Variants in GRM7 observed in about 807,000 individuals in gnomAD.
GRM7 encodes glutamate metabotropic receptor 7.
In GRM7, 35 loss-of-function variants were observed where a neutral mutation model predicts 84.5. The observed-to-expected ratio is 0.41, with a 90% CI of 0.32 to 0.55. The LOEUF is 0.55. Ranked by LOEUF, GRM7 falls within the 20% of genes least tolerant of loss-of-function variation. The probability of loss-of-function intolerance (pLI) is 0.19; values close to 1 mark genes in which losing one functional copy is unlikely to be tolerated. For missense variants in GRM7, 1,003 were observed against 1,194.6 expected (o/e 0.84, Z 2.36); for synonymous variants, 487 against 455.1 (o/e 1.07, Z -0.89).
At chr3:6,881,599 A>AGG (rs1695511131) in intron 1 of GRM7, among the ~76,000 whole-genome samples, 2 of 58,790 alleles carry the variant, frequency 3.4e-5, no homozygotes, top group South Asian at 1.0e-3. Flanking sequence ...ATTTTAAAGA[A>AGG]AAAAAAAACC....
intron 1 of GRM7, among the ~76,000 whole-genome samples, chr3:6,889,261 A>G (rs1224756271): frequency 6.6e-6 from 1 of 152,094 alleles, no homozygotes; most frequent in Non-Finnish European, 1.5e-5. Context: ...AGAACTTCCA[A>G]CACTATATTG....
At chr3:7,662,045 T>C (rs570674827) in intron 8 of GRM7, among the ~76,000 whole-genome samples, 94 of 152,098 alleles carry the variant, frequency 6.2e-4, no homozygotes, top group Non-Finnish European at 1.3e-3. Context: ...TAGTATATCC[T>C]TGCAATGGAA....
At chr3:7,257,057 G>A (rs1341338148) in intron 2 of GRM7, among the ~76,000 whole-genome samples, 2 of 152,158 alleles carry the variant, frequency 1.3e-5, no homozygotes, top group Non-Finnish European at 2.9e-5. Flanking sequence ...CCCATTTCCT[G>A]CCTCCAATTT....
chr3:7,127,823 G>A (rs1317110166), intron 1 of GRM7, among the ~76,000 whole-genome samples: 1 of 151,936 alleles, frequency 6.6e-6, no homozygotes, highest in Non-Finnish European at 1.5e-5. Flanking sequence ...CCCAATGATC[G>A]ATTTTCAAAT....
chr3:7,536,294 G>A (rs775024793), intron 7 of GRM7, among the ~76,000 whole-genome samples: 1 of 152,298 alleles, frequency 6.6e-6, no homozygotes, highest in East Asian at 1.9e-4. Context: ...ACTATTACCA[G>A]TATTGGTAGC....
In GRM7 at chr3:7,004,601, C is replaced by T. The variant is rs181801431; in HGVS notation, c.520-141851C>T. ...TCAAATTCTTGATAAACATCTTTAA[C>T]GAGAAACTTCACTCATACGAGTAGG... On this transcript the variant is annotated intron_variant, in intron 1 of 9. Transcript: ENST00000357716. Among the ~76,000 whole-genome samples, 10 of 152,104 alleles carry T rather than the reference C, an allele frequency of 6.6e-5. No homozygotes were observed. The East Asian group carries it at 1.2e-3, about 18-fold the overall frequency.
At chr3:7,668,304 T>G (rs967820024) in intron 8 of GRM7, among the ~76,000 whole-genome samples, 3 of 152,194 alleles carry the variant, frequency 2.0e-5, no homozygotes, top group African/African-American at 7.2e-5. Flanking sequence ...AAATGGAATC[T>G]CTATCTTTGT....
chr3:7,675,009 A>G (rs1040334903), intron 8 of GRM7, among the ~76,000 whole-genome samples: 1 of 152,188 alleles, frequency 6.6e-6, no homozygotes, highest in African/African-American at 2.4e-5. Context: ...CCCTAAACCA[A>G]TGGTTTGACA....
At chr3:7,446,369 T>C (rs6774522) in intron 5 of GRM7, among the ~76,000 whole-genome samples, 53,951 of 152,098 alleles carry the variant, frequency 0.35, 10,997 homozygotes, top group Non-Finnish European at 0.48. Flanking sequence ...TAAACATCTT[T>C]GATTTGTTTT....
intron 4 of GRM7, among the ~76,000 whole-genome samples, chr3:7,311,445 G>GA (rs1325771568): frequency 6.6e-6 from 1 of 152,150 alleles, no homozygotes; most frequent in East Asian, 1.9e-4. Context: ...AGTGGCAACA[G>GA]ATAGACTCTC....
intron 1 of GRM7, among the ~76,000 whole-genome samples, chr3:6,942,244 G>A (rs1697918731): frequency 1.3e-5 from 2 of 151,840 alleles, no homozygotes; most frequent in South Asian, 4.1e-4. Flanking sequence ...AGTAAATTGT[G>A]AGGATTAAAA....
intron 1 of GRM7, among the ~76,000 whole-genome samples, chr3:7,026,154 C>A (rs931118824): frequency 3.3e-5 from 5 of 152,108 alleles, no homozygotes; most frequent in Non-Finnish European, 7.4e-5. Flanking sequence ...CTGACATAAC[C>A]CAGTGGTTTT....
rs1006491844 is a variant in GRM7, at chr3:7,625,223, C to T, written c.2451+45866C>T. 5.9e-5 allele frequency among the ~76,000 whole-genome samples: 9 copies of T among 152,092 alleles called. No homozygotes were observed. In the East Asian group the frequency reaches 7.8e-4, roughly 13 times the overall value. Reference sequence around the variant, plus strand: ...TCATATTGTACTGAGGCCAGCAATGCGGTGGTGCATTTGGAATGTTGAGGC... The same window carrying T: ...TCATATTGTACTGAGGCCAGCAATGTGGTGGTGCATTTGGAATGTTGAGGC... On this transcript the variant is annotated intron_variant, in intron 8 of 9. Coordinates refer to ENST00000357716, the MANE Select transcript of GRM7 (RefSeq NM_000844.4).
At chr3:7,700,659 A>C (rs150071183) in intron 9 of GRM7, among the ~76,000 whole-genome samples, 11 of 152,340 alleles carry the variant, frequency 7.2e-5, no homozygotes, top group Admixed American at 6.5e-4. Flanking sequence ...ACAATAAATC[A>C]TTATACAACA....
chr3:7,302,389 A>C (rs1422760904), intron 3 of GRM7, among the ~76,000 whole-genome samples: 1 of 151,734 alleles, frequency 6.6e-6, no homozygotes, highest in African/African-American at 2.4e-5. Context: ...TAAATGCTTT[A>C]ATTATATTCT....
Position 7,672,328 on chromosome 3 carries a change from G to A in GRM7, c.2452-7721G>A, listed in dbSNP as rs1253662930. 2.0e-5 allele frequency among the ~76,000 whole-genome samples: 3 copies of A among 152,116 alleles called. No homozygotes were observed. The East Asian group carries it at 5.8e-4, about 29-fold the overall frequency. ...AGAAAACACTGGTCTTAACTGCCAG[G>A]AACTTTCATTGCAATGTAATAATGT... On this transcript the variant is annotated intron_variant, in intron 8 of 9. Transcript: ENST00000357716.
intron 2 of GRM7, among the ~76,000 whole-genome samples, chr3:7,182,941 C>G (rs1464557730): frequency 1.7e-5 from 2 of 119,502 alleles, no homozygotes; most frequent in Non-Finnish European, 3.4e-5. Context: ...TGGACTGGAA[C>G]TTTTAGTAGT....
intron 9 of GRM7, among the ~76,000 whole-genome samples, chr3:7,684,493 T>C (rs138514598): frequency 7.9e-4 from 121 of 152,322 alleles, no homozygotes; most frequent in African/African-American, 2.8e-3. Context: ...ACAGCTCTGC[T>C]CCATCACTGC....
At chr3:7,144,197 C>G (rs1397887848) in intron 1 of GRM7, among the ~76,000 whole-genome samples, 1 of 152,144 alleles carries the variant, frequency 6.6e-6, no homozygotes, top group African/African-American at 2.4e-5. Flanking sequence ...AATAATTCAG[C>G]AAAGCATCGT....
Sources: allele counts gnomAD v4.1 joint callset (sites outside exome capture counted in the v4.1 genomes callset), GRCh38; gene constraint gnomAD v4.1.1; transcripts MANE v1.5; gene names NCBI Gene and HGNC (gene_info 2026-07-23, HGNC 2026-07-21).